Variants in HCK observed in about 807,000 individuals in gnomAD.
HCK encodes tyrosine-protein kinase HCK.
HCK carries 40 observed loss-of-function variants against 70.4 expected under a neutral mutation model. The observed-to-expected ratio is 0.57, with a 90% CI of 0.44 to 0.74. HCK has a LOEUF of 0.74. Among genes scored for constraint, HCK ranks in the 30% least tolerant of loss-of-function variants. The pLI is 0.00. For missense variants in HCK, 568 were observed against 697.2 expected, an observed-to-expected ratio of 0.81 and a Z score of 2.09; for synonymous variants, 245 against 263.2, an observed-to-expected ratio of 0.93 and a Z score of 0.67.
chr20:32,064,297 C>A (rs540684367), intron 1 of HCK, among the ~76,000 whole-genome samples: 1 of 152,260 alleles, frequency 6.6e-6, no homozygotes, highest in East Asian at 1.9e-4. Flanking sequence ...CCCATCCACC[C>A]ATCTCTGCTT....
At chr20:32,059,049 A>C (rs1208805629) in intron 1 of HCK, among the ~76,000 whole-genome samples, 1 of 152,250 alleles carries the variant, frequency 6.6e-6, no homozygotes. Flanking sequence ...CAAAGAGATG[A>C]AGGTGCCGGC....
intron 5 of HCK, among the ~76,000 whole-genome samples, chr20:32,075,741 T>TC (rs113219740): frequency 2.6e-5 from 4 of 151,606 alleles, no homozygotes; most frequent in African/African-American, 9.7e-5. Context: ...CATCCATCCA[T>TC]CATCCAACAG....
intron 6 of HCK, among the ~76,000 whole-genome samples, chr20:32,081,567 T>C (rs544675752): frequency 6.6e-6 from 1 of 152,288 alleles, no homozygotes; most frequent in South Asian, 2.1e-4. Context: ...ATTAAAGGCA[T>C]GTTCCTCATG....
intron 12 of HCK, among the ~76,000 whole-genome samples, chr20:32,101,056 T>C (rs1035608657): frequency 9.2e-5 from 14 of 152,148 alleles, no homozygotes; most frequent in African/African-American, 2.4e-4. Context: ...CCAAAGACTC[T>C]CCTCTAAGCG....
Position 32,099,116 on chromosome 20 carries a change from C to T in HCK, c.1359C>T (p.Tyr453=), listed in dbSNP as rs75084400. Residue 453 remains tyrosine, a synonymous_variant, in exon 12 of 13, where the codon TAC becomes TAT. Transcript: ENST00000375852. Reference sequence around the variant, plus strand: ...TCCTGCTGATGGAGATCGTCACCTACGGCCGGATCCCTTACCCAGGTAGGG... The same window carrying T: ...TCCTGCTGATGGAGATCGTCACCTATGGCCGGATCCCTTACCCAGGTAGGG... The T allele has an allele frequency of 4.7e-4, 761 of 1,614,134 alleles. 4 individuals carry two copies. In the African/African-American group the frequency reaches 9.0e-3, roughly 19 times the overall value.
rs563759695 is a variant in HCK at position 32,090,473 on chromosome 20, G to A, written c.1092+1829G>A. ...GGGTGACATGAAATGTTATTCAGTAGCTGCATATATACAAACAGGTCAAAA... is the reference window on the plus strand; with the variant it reads ...GGGTGACATGAAATGTTATTCAGTAACTGCATATATACAAACAGGTCAAAA... On this transcript the variant is annotated intron_variant, in intron 10 of 12. Transcript: ENST00000375852. 2.6e-5 allele frequency among the ~76,000 whole-genome samples: 4 copies of A among 151,834 alleles called. No homozygotes were observed. The East Asian group carries it at 7.7e-4, about 29-fold the overall frequency.
At chr20:32,065,390 G>A (rs2045440617) in intron 1 of HCK, among the ~76,000 whole-genome samples, 1 of 152,198 alleles carries the variant, frequency 6.6e-6, no homozygotes, top group African/African-American at 2.4e-5. Context: ...ATTGGCTTAA[G>A]CAAAATTGAT....
intron 5 of HCK, among the ~76,000 whole-genome samples, chr20:32,075,119 G>A (rs986045056): frequency 2.6e-5 from 4 of 152,194 alleles, no homozygotes; most frequent in Admixed American, 6.5e-5. Context: ...ATTGTTGAAT[G>A]AAGCACACGG....
chr20:32,101,192 T>C (rs2046027724), intron 12 of HCK, 125 bp from the exon 13 acceptor site: 1 of 794,770 alleles, frequency 1.3e-6, no homozygotes, highest in East Asian at 2.7e-5. Context: ...TCTTTCACAG[T>C]GGAAGGGGCT....
intron 12 of HCK, among the ~76,000 whole-genome samples, chr20:32,099,350 CTTTTTTTT>C (rs71336559): frequency 2.3e-5 from 2 of 85,134 alleles, no homozygotes; most frequent in Non-Finnish European, 4.0e-5. Context: ...ACTCCTATGA[CTTTTTTTT>C]TTTTTTTTTT....
intron 1 of HCK, among the ~76,000 whole-genome samples, chr20:32,063,050 A>G (rs1458391892): frequency 6.6e-6 from 1 of 152,046 alleles, no homozygotes; most frequent in Non-Finnish European, 1.5e-5. Context: ...ACCTCAGTGG[A>G]TGATGACAGG....
In HCK at chr20:32,071,701, C is replaced by A. The variant is rs1226460371; in HGVS notation, c.102C>A (p.Gly34=). Reference sequence around the variant, plus strand: ...AGTCCAAGTTCCTCCAGGTCGGAGGCAATACATTCTCAAAAACTGAAACCA... The same window carrying A: ...AGTCCAAGTTCCTCCAGGTCGGAGGAAATACATTCTCAAAAACTGAAACCA... The change falls in exon 2 of 13, where the codon GGC becomes GGA. Residue 34 remains glycine, a synonymous_variant. Transcript: ENST00000375852. 1 of 1,614,144 alleles carries A rather than the reference C, an allele frequency of 6.2e-7. No individual in the cohort carries two copies. The highest frequency in any genetic ancestry group is 1.3e-5 in the African/African-American group (1 of 75,060).
chr20:32,071,933 C>T (rs920064371), intron 2 of HCK, 151 bp downstream of exon 2: 14 of 899,228 alleles, frequency 1.6e-5, no homozygotes, highest in East Asian at 2.7e-5. Context: ...CTCGACTCTC[C>T]GGGACGCAGC....
At chr20:32,094,764 GGAA>G (rs2045920208) in intron 11 of HCK, among the ~76,000 whole-genome samples, 18 of 68,438 alleles carry the variant, frequency 2.6e-4, no homozygotes, top group African/African-American at 1.0e-3. Flanking sequence ...AAAGAAAGAA[GGAA>G]AGAAAGAAAG....
intron 1 of HCK, chr20:32,069,824 T>G (rs558778156): frequency 4.4e-6 from 5 of 1,131,750 alleles, no homozygotes; most frequent in African/African-American, 1.7e-5. Flanking sequence ...GAGTTTGGGG[T>G]TTTTTTCCTT....
At chr20:32,089,214 A>G (rs2045831490) in intron 10 of HCK, among the ~76,000 whole-genome samples, 1 of 152,276 alleles carries the variant, frequency 6.6e-6, no homozygotes, top group Non-Finnish European at 1.5e-5. Context: ...GCCAAGTCAC[A>G]TAGCCATGCC....
At chr20:32,074,085 C>T (rs1180122307) in intron 4 of HCK, among the ~76,000 whole-genome samples, 1 of 152,182 alleles carries the variant, frequency 6.6e-6, no homozygotes, top group Non-Finnish European at 1.5e-5. Flanking sequence ...TGCGATTAAG[C>T]CACCGGCTTT....
At chr20:32,094,713 G>GA (rs1490208484) in intron 11 of HCK, among the ~76,000 whole-genome samples, 1 of 63,198 alleles carries the variant, frequency 1.6e-5, no homozygotes, top group South Asian at 6.5e-4. Context: ...AGAAAAGAAA[G>GA]AAAGAAAGAA....
At chr20:32,066,845 T>C (rs1014051430) in intron 1 of HCK, among the ~76,000 whole-genome samples, 15 of 152,182 alleles carry the variant, frequency 9.9e-5, no homozygotes, top group African/African-American at 1.4e-4. Context: ...CCCTTCTATA[T>C]GGTGTAGAGT....
Sources: allele counts gnomAD v4.1 joint callset (sites outside exome capture counted in the v4.1 genomes callset), GRCh38; gene constraint gnomAD v4.1.1; transcripts MANE v1.5; gene names NCBI Gene and HGNC (gene_info 2026-07-23, HGNC 2026-07-21).